RALY: variants seen among roughly 807,000 people sequenced by gnomAD.
RALY encodes RALY heterogeneous nuclear ribonucleoprotein.
A neutral mutation model predicts 30.7 loss-of-function variants in RALY; 15 were observed. The ratio of observed to expected loss-of-function variants is 0.49; its 90% CI spans 0.33 to 0.75. The LOEUF is 0.75. Ranked by LOEUF, RALY falls within the 30% of genes least tolerant of loss-of-function variation. The pLI is 0.02. For missense variants in RALY, 339 were observed against 414.3 expected, an observed-to-expected ratio of 0.82 and a Z score of 1.58; for synonymous variants, 177 against 170.8, an observed-to-expected ratio of 1.04 and a Z score of -0.28.
chr20:34,070,256 G>T (rs1331054320), intron 2 of RALY, among the ~76,000 whole-genome samples: 2 of 152,196 alleles, frequency 1.3e-5, no homozygotes, highest in Non-Finnish European at 2.9e-5. Context: ...AGATAGGAGG[G>T]TTCCAAAAGG....
intron 2 of RALY, among the ~76,000 whole-genome samples, chr20:34,057,858 G>A (rs2033299275): frequency 6.6e-6 from 1 of 152,106 alleles, no homozygotes; most frequent in East Asian, 1.9e-4. Flanking sequence ...TGGGGGAAAT[G>A]TATATGCCTA....
intron 3 of RALY, 53 bp downstream of exon 3, chr20:34,072,383 A>G (rs2033752001): frequency 1.3e-6 from 2 of 1,563,398 alleles, no homozygotes; most frequent in South Asian, 1.2e-5. Flanking sequence ...AGCTGCTATC[A>G]CTATCCAGTT....
At chr20:34,078,418 A>G (rs1168155384) in intron 8 of RALY, 87 bp from the exon 9 acceptor site, 4 of 1,272,902 alleles carry the variant, frequency 3.1e-6, no homozygotes, top group East Asian at 2.7e-5. Context: ...CCTCTGGACC[A>G]TGAAGTTTTT....
chr20:33,999,752 T>A (rs1601393732), intron 1 of RALY, among the ~76,000 whole-genome samples: 1 of 151,798 alleles, frequency 6.6e-6, no homozygotes, highest in East Asian at 1.9e-4. Flanking sequence ...AGAGGGTGGA[T>A]GGGGCAGGGC....
At chr20:34,040,079 C>T (rs2032642529) in intron 2 of RALY, among the ~76,000 whole-genome samples, 1 of 151,860 alleles carries the variant, frequency 6.6e-6, no homozygotes, top group African/African-American at 2.4e-5. Context: ...CCACTGCACT[C>T]CAGCCTGGGC....
chr20:34,057,879 T>C (rs960355923), intron 2 of RALY, among the ~76,000 whole-genome samples: 1 of 152,080 alleles, frequency 6.6e-6, no homozygotes, highest in African/African-American at 2.4e-5. Context: ...ATAGAGAACA[T>C]TGGTTCATGG....
At chr20:34,008,786 G>A (rs1184656035) in intron 1 of RALY, among the ~76,000 whole-genome samples, 2 of 152,112 alleles carry the variant, frequency 1.3e-5, no homozygotes, top group Non-Finnish European at 2.9e-5. Flanking sequence ...AGTCTCCTGA[G>A]TAGCTGGAAT....
chr20:34,039,707 T>C (rs990875461), intron 2 of RALY, among the ~76,000 whole-genome samples: 1 of 152,146 alleles, frequency 6.6e-6, no homozygotes, highest in Non-Finnish European at 1.5e-5. Flanking sequence ...TCATTTAACA[T>C]TGAGAGATAA....
intron 7 of RALY, 27 bp downstream of exon 7, chr20:34,076,842 C>T: frequency 6.2e-7 from 1 of 1,610,100 alleles, no homozygotes; most frequent in Non-Finnish European, 8.5e-7. Flanking sequence ...TCTCACCCAC[C>T]TCCATGACCA....
intron 2 of RALY, among the ~76,000 whole-genome samples, chr20:34,046,978 CCTGA>C (rs1385997215): frequency 6.6e-6 from 1 of 152,010 alleles, no homozygotes; most frequent in Non-Finnish European, 1.5e-5. Flanking sequence ...TGCCACCATG[CCTGA>C]CTAATTTTGT....
intron 1 of RALY, among the ~76,000 whole-genome samples, chr20:34,005,006 T>C (rs1335751108): frequency 6.6e-6 from 1 of 152,192 alleles, no homozygotes; most frequent in African/African-American, 2.4e-5. Context: ...TATTAGAAAA[T>C]GTACCTTAAA....
In RALY at chr20:34,073,626, C is replaced by T. The variant is rs1238597023; in HGVS notation, c.320C>T (p.Ala107Val). The T allele has an allele frequency of 1.3e-6, 2 of 1,596,692 alleles. No individual in the cohort carries two copies. Among genetic ancestry groups the T allele is most frequent in the African/African-American group, 2.7e-5 (2 of 74,560 alleles). ...RPKGLKRAAS[A>V]IYSGYIFDYD... ...AAGGGGCTAAAGAGAGCAGCATCTG[C>T]CATATACAGGTGGGGCTGTCTGACT... Residue 107 changes from alanine to valine, a missense_variant, in exon 4 of 10, where the codon GCC becomes GTC. Around this residue, in one of 2 missense-constraint regions of RALY, gnomAD observed 268 missense variants for 280.6 expected, o/e 0.95. Transcript: ENST00000246194.
Position 34,035,179 on chromosome 20 carries a change from A to C in RALY, c.-10+3575A>C, listed in dbSNP as rs867687715. ...AAAAAAAAAAAAAAAAAAAAAAAAA[A>C]AAAAAAAACAGTCTGGAGGCCACTT... On this transcript the variant is annotated intron_variant, in intron 2 of 9. Coordinates refer to ENST00000246194, the MANE Select transcript of RALY (RefSeq NM_016732.3). Among the ~76,000 whole-genome samples the C allele has an allele frequency of 1.1e-3, 158 of 144,858 alleles. 2 individuals are homozygous for C. Among genetic ancestry groups the C allele is most frequent in the African/African-American group, 4.0e-3 (149 of 37,364 alleles).
At position 33,993,968 on chromosome 20, in the gene RALY, C is replaced by G. The variant is rs969940727; in HGVS notation, c.-256C>G. The G allele has an allele frequency of 1.3e-5, 2 of 152,060 alleles. No individual in the cohort carries two copies. Among genetic ancestry groups the G allele is most frequent in the African/African-American group, 4.8e-5 (2 of 41,434 alleles). The allele number at this position is 152,060 out of a possible 1,614,324, so 9.4% of individuals were successfully genotyped here. A position where few individuals can be genotyped will look rare whatever the true frequency, so the allele number is the denominator to read the frequency against. ...CTCGGGGCAGCGGAACCCAGAGAAG[C>G]TGAGGGGGCGGTAGCGGCGGCGACG... On this transcript the variant is annotated 5_prime_UTR_variant, in exon 1 of 10. Transcript: ENST00000246194.
At chr20:34,001,943 A>G (rs1463957555) in intron 1 of RALY, among the ~76,000 whole-genome samples, 5 of 152,002 alleles carry the variant, frequency 3.3e-5, no homozygotes, top group Non-Finnish European at 5.9e-5. Context: ...ATTTTTTTGT[A>G]TTTTTAGTAG....
At chr20:34,011,844 TC>T in intron 1 of RALY, among the ~76,000 whole-genome samples, 1 of 152,166 alleles carries the variant, frequency 6.6e-6, no homozygotes, top group Admixed American at 6.5e-5. Context: ...GGCAGGCAGA[TC>T]GCTTGAGGTC....
At chr20:34,016,212 C>A (rs1216883424) in intron 1 of RALY, among the ~76,000 whole-genome samples, 1 of 152,226 alleles carries the variant, frequency 6.6e-6, no homozygotes, top group Non-Finnish European at 1.5e-5. Context: ...TCTGTATCTT[C>A]ATAACAGACA....
intron 2 of RALY, among the ~76,000 whole-genome samples, chr20:34,047,635 C>T (rs552990307): frequency 2.0e-5 from 3 of 152,226 alleles, no homozygotes; most frequent in Non-Finnish European, 4.4e-5. Context: ...AAATCCTTCT[C>T]TGCCATTTAC....
chr20:34,011,730 G>C (rs1039319963), intron 1 of RALY, among the ~76,000 whole-genome samples: 1 of 152,146 alleles, frequency 6.6e-6, no homozygotes, highest in Non-Finnish European at 1.5e-5. Flanking sequence ...ATGAAACTAA[G>C]GTCCAGAGAA....
Sources: allele counts gnomAD v4.1 joint callset (sites outside exome capture counted in the v4.1 genomes callset), GRCh38; gene constraint gnomAD v4.1.1; regional missense constraint gnomAD v4.1.1; transcripts MANE v1.5; gene names NCBI Gene and HGNC (gene_info 2026-07-23, HGNC 2026-07-21).